SCN1A: variants seen among roughly 807,000 people sequenced by gnomAD.
SCN1A encodes the protein sodium channel protein type 1 subunit alpha.
In SCN1A, 13 loss-of-function variants were observed where a neutral mutation model predicts 193.7. The observed-to-expected ratio is 0.07, with a 90% CI of 0.04 to 0.11. The LOEUF is 0.11. Among genes scored for constraint, SCN1A ranks in the 10% least tolerant of loss-of-function variants. The pLI is 1.00. For missense variants in SCN1A, 1,432 were observed against 2,451.1 expected (o/e 0.58, Z 8.78); for synonymous variants, 781 against 843.6 (o/e 0.93, Z 1.29).
chr2:166,095,521 A>G (rs1384487686), intron 2 of SCN1A, among the ~76,000 whole-genome samples: 1 of 152,198 alleles, frequency 6.6e-6, no homozygotes, highest in Non-Finnish European at 1.5e-5. Context: ...TTAAATATAA[A>G]AATATCCCAT....
rs577189799 is a variant in SCN1A, at chr2:166,019,103, C to T, written c.3430-3376G>A. ...AGTGTTACTTCTCCAAATTGTAAAACATTAATGGCAAAGCCAAAGATAGTC... is the reference window on the plus strand; with the variant it reads ...AGTGTTACTTCTCCAAATTGTAAAATATTAATGGCAAAGCCAAAGATAGTC... On this transcript the variant is annotated intron_variant, in intron 19 of 28. Transcript: ENST00000674923. 1.4e-4 allele frequency among the ~76,000 whole-genome samples: 21 copies of T among 152,196 alleles called. 1 individual carries two copies. In the East Asian group the frequency reaches 3.5e-3, roughly 25 times the overall value.
chr2:166,123,438 A>C (rs1305236471), intron 2 of SCN1A: 1 of 151,924 alleles, frequency 6.6e-6, no homozygotes, highest in African/African-American at 2.4e-5. Context: ...TCATTCAAAC[A>C]ATTTTTTTTT....
intron 2 of SCN1A, among the ~76,000 whole-genome samples, chr2:166,083,192 G>GT (rs1685722309): frequency 2.6e-5 from 4 of 152,036 alleles, no homozygotes; most frequent in African/African-American, 9.7e-5. Context: ...TTGATTTGGT[G>GT]TAATTATAAT....
chr2:166,108,052 G>A (rs2106180720), intron 2 of SCN1A, among the ~76,000 whole-genome samples: 1 of 152,012 alleles, frequency 6.6e-6, no homozygotes, highest in South Asian at 2.1e-4. Context: ...TATCTGATAA[G>A]CGATTGTATC....
At chr2:166,125,502 C>A (rs1691136905) in intron 2 of SCN1A, among the ~76,000 whole-genome samples, 1 of 152,162 alleles carries the variant, frequency 6.6e-6, no homozygotes, top group Non-Finnish European at 1.5e-5. Context: ...AGAGGTAACA[C>A]CAAGCAAGCC....
intron 1 of SCN1A, among the ~76,000 whole-genome samples, chr2:166,138,826 A>G (rs1691966339): frequency 6.6e-5 from 10 of 152,092 alleles, no homozygotes; most frequent in Admixed American, 6.5e-4. Flanking sequence ...GAAAAGCCAC[A>G]CTTAATGCCA....
At chr2:166,023,314 C>T (rs946260561) in intron 19 of SCN1A, among the ~76,000 whole-genome samples, 1 of 152,220 alleles carries the variant, frequency 6.6e-6, no homozygotes, top group Admixed American at 6.5e-5. Context: ...AGCCAACAAC[C>T]TTATTTTTTC....
At chr2:166,106,549 C>CA (rs1688716779) in intron 2 of SCN1A, among the ~76,000 whole-genome samples, 1 of 152,002 alleles carries the variant, frequency 6.6e-6, no homozygotes, top group Non-Finnish European at 1.5e-5. Context: ...GGTGGGTGGG[C>CA]CTTCAGAAGG....
intron 2 of SCN1A, among the ~76,000 whole-genome samples, chr2:166,100,423 T>C (rs1451743688): frequency 1.3e-5 from 2 of 150,868 alleles, no homozygotes; most frequent in Non-Finnish European, 3.0e-5. Flanking sequence ...GAAGAAAACC[T>C]AGGCATTACC....
At chr2:166,122,678 A>G (rs192261174) in intron 2 of SCN1A, among the ~76,000 whole-genome samples, 2 of 152,312 alleles carry the variant, frequency 1.3e-5, no homozygotes, top group East Asian at 1.9e-4. Context: ...ATGAACAAAC[A>G]AAAGAGTAAT....
intron 19 of SCN1A, among the ~76,000 whole-genome samples, chr2:166,019,773 G>C (rs1253558618): frequency 6.6e-6 from 1 of 152,094 alleles, no homozygotes; most frequent in Non-Finnish European, 1.5e-5. Flanking sequence ...CAAACATTTG[G>C]TGAATGAATG....
At chr2:166,074,568 A>G (rs2105988928) in intron 3 of SCN1A, among the ~76,000 whole-genome samples, 1 of 152,072 alleles carries the variant, frequency 6.6e-6, no homozygotes, top group South Asian at 2.1e-4. Flanking sequence ...AAAACCGTCA[A>G]CCCCATACAG....
In SCN1A at chr2:166,145,142, A is replaced by AT. The variant is rs10527781; in HGVS notation, c.-50+3904dup. Among the ~76,000 whole-genome samples the AT allele has an allele frequency of 2.0e-3, 256 of 128,938 alleles. 1 individual carries two copies. The highest frequency in any genetic ancestry group is 4.1e-3 in the Middle Eastern group (1 of 242). The allele number at this position is 128,938 out of a possible 152,430, so 84.6% of individuals were successfully genotyped here. A position where few individuals can be genotyped will look rare whatever the true frequency, so the allele number is the denominator to read the frequency against. On this transcript the variant is annotated intron_variant, in intron 1 of 26. Coordinates refer to the SCN1A transcript ENST00000635750. Reference sequence around the variant, plus strand: ...TGAGCCACTGCACCTGGCCTAAGTAATTTTTTTTTTTTTTTTTTTTTTTTT... The same window carrying AT: ...TGAGCCACTGCACCTGGCCTAAGTAATTTTTTTTTTTTTTTTTTTTTTTTTT...
At chr2:166,015,818 T>G in intron 19 of SCN1A, 91 bp from the exon 20 acceptor site, 1 of 1,429,826 alleles carries the variant, frequency 7.0e-7, no homozygotes, top group Non-Finnish European at 9.8e-7. Flanking sequence ...AATTTGTTTT[T>G]TATTCTTCTT....
intron 28 of SCN1A, chr2:165,993,415 A>G (rs1028019094): frequency 3.3e-5 from 5 of 152,022 alleles, no homozygotes; most frequent in African/African-American, 1.2e-4. Context: ...TATTGACCCA[A>G]TCATATCATC....
At chr2:166,037,643 T>C (rs1696567234) in intron 18 of SCN1A, 133 bp downstream of exon 18, 1 of 837,874 alleles carries the variant, frequency 1.2e-6, no homozygotes, top group African/African-American at 1.8e-5. Context: ...ACAGTCACCA[T>C]TAAATTATAC....
At chr2:166,076,838 CAA>C (rs55783230) in intron 3 of SCN1A, among the ~76,000 whole-genome samples, 11,633 of 147,652 alleles carry the variant, frequency 0.079, 1,219 homozygotes, top group African/African-American at 0.24. Flanking sequence ...CATCCAAATG[CAA>C]AAAAAAAAAA....
rs549232924 is a variant in SCN1A at position 166,042,428 on chromosome 2, T to TA, written c.2044-5dup. The TA allele has an allele frequency of 6.0e-4, 949 of 1,580,304 alleles. 7 individuals carry two copies. The highest frequency in any genetic ancestry group is 5.4e-3 in the South Asian group (486 of 89,846). ...TTTCAGTTTCAGTGGTTGTTCCCTGTAAAAAAAAATGCTAATGCATTAAAC... is the reference window on the plus strand; with the variant it reads ...TTTCAGTTTCAGTGGTTGTTCCCTGTAAAAAAAAAATGCTAATGCATTAAAC... On this transcript the variant is annotated splice_polypyrimidine_tract_variant and splice_region_variant and intron_variant, in intron 14 of 28. Transcript: ENST00000674923.
At position 166,007,520 on chromosome 2, in the gene SCN1A, C is replaced by G. The variant is rs1048104424; in HGVS notation, c.4002+2199G>C. Among the ~76,000 whole-genome samples the G allele has an allele frequency of 1.3e-5, 2 of 151,304 alleles. No homozygotes were observed. The highest frequency in any genetic ancestry group is 3.0e-5 in the Non-Finnish European group (2 of 67,502). On this transcript the variant is annotated intron_variant, in intron 23 of 28. Coordinates refer to ENST00000674923, the MANE Select transcript of SCN1A (RefSeq NM_001165963.4). ...TAGATATTCACGACATCAATTCACT[C>G]AGTTTAATTTTACAAGTTGAAAAAT...
Sources: allele counts gnomAD v4.1 joint callset (sites outside exome capture counted in the v4.1 genomes callset), GRCh38; gene constraint gnomAD v4.1.1; transcripts MANE v1.5; gene names NCBI Gene and HGNC (gene_info 2026-07-23, HGNC 2026-07-21).